Variants in KCNN2 observed in about 807,000 individuals in gnomAD.
KCNN2 encodes small conductance calcium-activated potassium channel protein 2.
Under a neutral mutation model 55.5 loss-of-function variants are expected in KCNN2, and 24 were observed. The observed-to-expected ratio is 0.43, with a 90% CI of 0.31 to 0.61. The LOEUF (loss-of-function observed/expected upper bound fraction) is 0.61, where lower values mean the gene tolerates loss of function less well. Ranked by LOEUF, KCNN2 falls within the 20% of genes least tolerant of loss-of-function variation. The pLI is 0.08. For missense variants in KCNN2, 754 were observed against 853.6 expected, an observed-to-expected ratio of 0.88 and a Z score of 1.45; for synonymous variants, 431 against 336.1, an observed-to-expected ratio of 1.28 and a Z score of -3.09.
At chr5:114,095,484 G>T (rs1751236782) in intron 1 of KCNN2, among the ~76,000 whole-genome samples, 1 of 152,084 alleles carries the variant, frequency 6.6e-6, no homozygotes, top group African/African-American at 2.4e-5. Flanking sequence ...TCATCTCACT[G>T]GATCCTGGGA....
chr5:114,199,118 C>CAT (rs141887243), intron 1 of KCNN2, among the ~76,000 whole-genome samples: 8 of 151,816 alleles, frequency 5.3e-5, no homozygotes, highest in East Asian at 1.9e-4. Flanking sequence ...ATATTGGGTG[C>CAT]ATATATATAT....
At chr5:114,411,426 C>A (rs1332613232) in intron 3 of KCNN2, among the ~76,000 whole-genome samples, 2 of 151,968 alleles carry the variant, frequency 1.3e-5, no homozygotes, top group Non-Finnish European at 2.9e-5. Context: ...CAAGGAGAGG[C>A]CATCTGCAAG....
At chr5:114,490,995 GAAAC>G (rs1247979534) in intron 6 of KCNN2, among the ~76,000 whole-genome samples, 2 of 152,124 alleles carry the variant, frequency 1.3e-5, no homozygotes, top group Non-Finnish European at 1.5e-5. Flanking sequence ...GGCAGTATAA[GAAAC>G]AAACAACAAG....
intron 1 of KCNN2, among the ~76,000 whole-genome samples, chr5:114,071,426 GA>G (rs1750567071): frequency 6.6e-6 from 1 of 152,160 alleles, no homozygotes; most frequent in South Asian, 2.1e-4. Context: ...ATGCCTGTTT[GA>G]AAAAACTTAG....
At chr5:114,103,962 C>T (rs1044108425) in intron 1 of KCNN2, among the ~76,000 whole-genome samples, 1 of 152,138 alleles carries the variant, frequency 6.6e-6, no homozygotes, top group East Asian at 1.9e-4. Context: ...GGAGGAGTCC[C>T]TCTTTTTCTA....
intron 3 of KCNN2, among the ~76,000 whole-genome samples, chr5:114,456,328 G>T (rs547504628): frequency 1.3e-5 from 2 of 152,186 alleles, no homozygotes; most frequent in Non-Finnish European, 1.5e-5. Context: ...CTGGATGACA[G>T]CACATCTGTT....
intron 2 of KCNN2, among the ~76,000 whole-genome samples, chr5:114,370,170 A>G (rs1757720082): frequency 6.6e-6 from 1 of 152,136 alleles, no homozygotes; most frequent in African/African-American, 2.4e-5. Flanking sequence ...CCCACCCAGC[A>G]TGAGAATGTC....
At position 114,070,925 on chromosome 5, in the gene KCNN2, T is replaced by C. The variant is rs142316995; in HGVS notation, c.-271+14425T>C. ...TTTAAGATTCCAGTCATTCACTTAC[T>C]TCTTCACAATTTTCAACATATTCGT... is the stretch of plus-strand genomic sequence containing the variant. On this transcript the variant is annotated intron_variant, in intron 1 of 10. Transcript: ENST00000512097. Among the ~76,000 whole-genome samples the C allele has an allele frequency of 3.3e-5, 5 of 152,356 alleles. No individual in the cohort carries two copies. In the East Asian group the frequency reaches 9.6e-4, roughly 29 times the overall value.
At chr5:114,239,926 G>A (rs929473081) in intron 2 of KCNN2, among the ~76,000 whole-genome samples, 1 of 152,146 alleles carries the variant, frequency 6.6e-6, no homozygotes, top group African/African-American at 2.4e-5. Flanking sequence ...ATTAGATTGA[G>A]ATTATTTTGT....
At chr5:114,358,172 C>CT (rs1278242384), upstream of KCNN2, among the ~76,000 whole-genome samples, 1 of 151,852 alleles carries the variant, frequency 6.6e-6, no homozygotes, top group East Asian at 1.9e-4. Context: ...AGTGAACAGG[C>CT]AACCTACGAA....
chr5:114,387,715 A>G (rs1339007537), intron 2 of KCNN2, among the ~76,000 whole-genome samples: 3 of 152,140 alleles, frequency 2.0e-5, no homozygotes, highest in African/African-American at 4.8e-5. Context: ...TTTGTTGTAC[A>G]TAAGAAAGAA....
chr5:114,205,908 C>T (rs1287032348), intron 1 of KCNN2, among the ~76,000 whole-genome samples: 1 of 152,118 alleles, frequency 6.6e-6, no homozygotes, highest in African/African-American at 2.4e-5. Flanking sequence ...ATGAAAAGGA[C>T]AGATTTATCC....
intron 1 of KCNN2, among the ~76,000 whole-genome samples, chr5:114,084,293 C>T (rs969733884): frequency 6.6e-6 from 1 of 152,046 alleles, no homozygotes; most frequent in African/African-American, 2.4e-5. Context: ...CTTGTATTTA[C>T]ACCAACAATG....
intron 2 of KCNN2, among the ~76,000 whole-genome samples, chr5:114,319,308 G>T (rs1194870981): frequency 1.3e-5 from 2 of 152,110 alleles, no homozygotes; most frequent in East Asian, 3.9e-4. Context: ...TTCTTAAGGG[G>T]ATGAGCTGTT....
intron 2 of KCNN2, among the ~76,000 whole-genome samples, chr5:114,272,845 C>G (rs1199037547): frequency 1.3e-5 from 2 of 152,034 alleles, no homozygotes; most frequent in Non-Finnish European, 2.9e-5. Flanking sequence ...AAAAACTTGT[C>G]TCATTCTTTC....
At chr5:114,086,317 G>C (rs1443361262) in intron 1 of KCNN2, among the ~76,000 whole-genome samples, 1 of 151,802 alleles carries the variant, frequency 6.6e-6, no homozygotes, top group African/African-American at 2.4e-5. Flanking sequence ...GGGTATATGT[G>C]CAGGTTTGTT....
intron 1 of KCNN2, among the ~76,000 whole-genome samples, chr5:114,116,818 C>T (rs1469542439): frequency 6.6e-6 from 1 of 152,134 alleles, no homozygotes; most frequent in Admixed American, 6.5e-5. Context: ...AATTTATATA[C>T]ACTCTTTAAA....
At chr5:114,436,622 C>T (rs1760013935) in intron 3 of KCNN2, among the ~76,000 whole-genome samples, 1 of 152,070 alleles carries the variant, frequency 6.6e-6, no homozygotes, top group African/African-American at 2.4e-5. Flanking sequence ...TTTGTTTCTT[C>T]ATCTTTTGGA....
chr5:114,290,060 C>A (rs1038251300), intron 2 of KCNN2, among the ~76,000 whole-genome samples: 1 of 152,220 alleles, frequency 6.6e-6, no homozygotes, highest in African/African-American at 2.4e-5. Flanking sequence ...AGGATATTGG[C>A]CTGTAGTCTT....
Sources: allele counts gnomAD v4.1 joint callset (sites outside exome capture counted in the v4.1 genomes callset), GRCh38; gene constraint gnomAD v4.1.1; transcripts MANE v1.5; gene names NCBI Gene and HGNC (gene_info 2026-07-23, HGNC 2026-07-21).